MAPKBP1: variants seen among roughly 807,000 people sequenced by gnomAD.
MAPKBP1 encodes mitogen-activated protein kinase binding protein 1.
Under a neutral mutation model 170.5 loss-of-function variants are expected in MAPKBP1, and 71 were observed. The ratio of observed to expected loss-of-function variants is 0.42; its 90% CI spans 0.34 to 0.51. The LOEUF is 0.51. Ranked by LOEUF, MAPKBP1 falls within the 20% of genes least tolerant of loss-of-function variation. The pLI is 0.06. For missense variants in MAPKBP1, 1,598 were observed against 1,933.0 expected, an observed-to-expected ratio of 0.83 and a Z score of 3.25; for synonymous variants, 719 against 757.9, an observed-to-expected ratio of 0.95 and a Z score of 0.84.
chr15:41,822,115 G>A lies in MAPKBP1; in HGVS notation c.3031+5G>A. 2 of 1,602,308 alleles carry A rather than the reference G, an allele frequency of 1.2e-6. No homozygotes were observed. Among genetic ancestry groups the A allele is most frequent in the Non-Finnish European group, 8.5e-7 (1 of 1,174,270 alleles). ...GCCCGGAGCACCCCACTGAAGGTGAGGCTGTAGCCTGGAGGGAGGGGCCAT... is the reference window on the plus strand; with the variant it reads ...GCCCGGAGCACCCCACTGAAGGTGAAGCTGTAGCCTGGAGGGAGGGGCCAT... On this transcript the variant is annotated splice_donor_5th_base_variant and intron_variant, in intron 25 of 30. Coordinates refer to ENST00000457542, the MANE Select transcript of MAPKBP1 (RefSeq NM_014994.3).
In MAPKBP1 at chr15:41,817,051, A is replaced by G; in HGVS notation, c.1711+16A>G. 3 of 1,568,026 alleles carry G rather than the reference A, an allele frequency of 1.9e-6. No individual in the cohort carries two copies. The highest frequency in any genetic ancestry group is 1.7e-6 in the Non-Finnish European group (2 of 1,152,790). ...AAGTTTGCAGGTGCGGGCAGGGTGA[A>G]TGAGACACATCCTGCCACTCTCACC... On this transcript the variant is annotated intron_variant, in intron 14 of 30. Coordinates refer to ENST00000457542, the MANE Select transcript of MAPKBP1 (RefSeq NM_014994.3). This position sits in a 1 kb window ranked among gnomAD's most constrained non-coding sequence, Gnocchi z 4.2.
intron 12 of MAPKBP1, 28 bp downstream of exon 12, chr15:41,815,827 A>C (rs1435815803): frequency 1.3e-6 from 2 of 1,597,558 alleles, no homozygotes; most frequent in South Asian, 2.2e-5. Flanking sequence ...GTGGGTACTG[A>C]CTGCCTCTCA....
intron 2 of MAPKBP1, among the ~76,000 whole-genome samples, chr15:41,798,308 C>T (rs955421534): frequency 1.4e-5 from 2 of 147,524 alleles, no homozygotes; most frequent in South Asian, 2.2e-4. Context: ...TTTGAGATGG[C>T]GTCTCGCTGT....
rs1312923040 is a variant in MAPKBP1, at chr15:41,811,018, A to G, written c.269+73A>G. On this transcript the variant is annotated intron_variant, in intron 4 of 30. Transcript: ENST00000457542. ...GAGAAGGGCACTGTCTAGAGTCTCT[A>G]TGGCTCTGGGGGCTGGGACCTGGTT... The G allele has an allele frequency of 5.7e-6, 9 of 1,579,792 alleles. No homozygotes were observed. In the East Asian group the frequency reaches 1.6e-4, roughly 27 times the overall value.
chr15:41,779,232 A>G (rs889517171), intron 2 of MAPKBP1, among the ~76,000 whole-genome samples: 3 of 152,138 alleles, frequency 2.0e-5, no homozygotes, highest in African/African-American at 7.2e-5. Context: ...TTTTTTCGAG[A>G]CGGAGTCTTG....
intron 2 of MAPKBP1, among the ~76,000 whole-genome samples, chr15:41,794,288 T>C (rs2064447286): frequency 6.6e-6 from 1 of 152,170 alleles, no homozygotes; most frequent in African/African-American, 2.4e-5. Flanking sequence ...TCCCTCCACA[T>C]TGCCAGATCA....
intron 3 of MAPKBP1, among the ~76,000 whole-genome samples, chr15:41,805,647 T>C (rs191818617): frequency 1.3e-5 from 2 of 152,324 alleles, no homozygotes; most frequent in Non-Finnish European, 2.9e-5. Context: ...CCTCAGCCCA[T>C]GTTAAAATTG....
chr15:41,810,681 G>A, intron 3 of MAPKBP1: 1 of 557,506 alleles, frequency 1.8e-6, no homozygotes, highest in South Asian at 2.3e-5. Flanking sequence ...TTGCACCACT[G>A]CACTCTGGCT....
chr15:41,822,267 C>A lies in MAPKBP1; in HGVS notation c.3074C>A (p.Ser1025Ter), dbSNP rs910721118. The A allele has an allele frequency of 6.2e-7, 1 of 1,613,944 alleles. No individual in the cohort carries two copies. Among genetic ancestry groups the A allele is most frequent in the African/African-American group, 1.3e-5 (1 of 74,922 alleles). Residue 1025 changes from serine to a stop codon, truncating the protein, a stop_gained, in exon 26 of 31, where the codon TCA becomes TAA. Coordinates refer to ENST00000457542, the MANE Select transcript of MAPKBP1 (RefSeq NM_014994.3). LOFTEE classifies it high-confidence loss of function. ...TEPLSVDGIS[S>*]DLEEPAEGDE... ...CCCCTCAGTGTGGATGGCATCTCCT[C>A]AGACCTTGAAGAGCCAGCTGAGGGT...
intron 12 of MAPKBP1, 56 bp from the exon 13 acceptor site, chr15:41,816,503 T>C: frequency 8.2e-7 from 1 of 1,224,364 alleles, no homozygotes; most frequent in Admixed American, 1.7e-5. Context: ...GGAGGGGGCG[T>C]GAGTCCTTCC....
In MAPKBP1 at chr15:41,777,201, C is replaced by T. The variant is rs530769502; in HGVS notation, c.114+1812C>T. On this transcript the variant is annotated intron_variant, in intron 2 of 30. Coordinates refer to ENST00000457542, the MANE Select transcript of MAPKBP1 (RefSeq NM_014994.3). ...ACTAAAAATACAAAAATTAGCCGGGCGTGGTGGTGCATGTCTGTAATCCCA... is the reference window on the plus strand; with the variant it reads ...ACTAAAAATACAAAAATTAGCCGGGTGTGGTGGTGCATGTCTGTAATCCCA... 7.2e-5 allele frequency among the ~76,000 whole-genome samples: 11 copies of T among 152,076 alleles called. No individual in the cohort carries two copies. In the South Asian group the frequency reaches 1.5e-3, roughly 20 times the overall value.
chr15:41,775,255 C>T lies in MAPKBP1; in HGVS notation c.-21C>T, dbSNP rs200914973. ...GACCCAGGACTGGGCCGGGGACTGT[C>T]CCAAAGGGTTTCTCGTCATAATGGC... On this transcript the variant is annotated 5_prime_UTR_variant, in exon 2 of 31. Coordinates refer to ENST00000457542, the MANE Select transcript of MAPKBP1 (RefSeq NM_014994.3). The T allele has an allele frequency of 1.0e-5, 16 of 1,601,614 alleles. No individual in the cohort carries two copies. The highest frequency in any genetic ancestry group is 1.2e-5 in the Non-Finnish European group (14 of 1,168,652).
At position 41,823,872 on chromosome 15, in the gene MAPKBP1, G is replaced by T; in HGVS notation, c.4024G>T (p.Gly1342Trp). The T allele has an allele frequency of 6.2e-7, 1 of 1,614,182 alleles. No individual in the cohort carries two copies. Among genetic ancestry groups the T allele is most frequent in the East Asian group, 2.2e-5 (1 of 44,876 alleles). ...TACAACTGAGAGATGGGCCTGTTTG[G>T]GGGAGGGCACCACTCCCAAGCCTAG... ...HSTTERWACL[G>W]EGTTPKPRTE... The change falls in exon 29 of 31, where the codon GGG (glycine) becomes TGG (tryptophan). Residue 1342 changes from glycine (G) to tryptophan (W), a missense_variant. Physicochemically the swap from Gly to Trp is radical, Grantham distance 184. Transcript: ENST00000457542.
At chr15:41,819,212 C>T (rs767932915) in intron 20 of MAPKBP1, 34 bp from the exon 21 acceptor site, 1 of 1,609,090 alleles carries the variant, frequency 6.2e-7, no homozygotes, top group South Asian at 1.1e-5. Flanking sequence ...TATTGAGTCT[C>T]CTCTCCCCAT....
At position 41,813,633 on chromosome 15, in the gene MAPKBP1, C is replaced by T. The variant is rs1756884484; in HGVS notation, c.832C>T (p.His278Tyr). ...ACTCTGCCCACAGACCACAGTGGCC[C>T]ACTGCATCTCTGTGAGCCAAGACTA... ...KWVELRTTVA[H>Y]CISVSQDYIF... The change falls in exon 9 of 31, where the codon CAC becomes TAC. Residue 278 changes from histidine (H) to tyrosine (Y), a missense_variant. Around this residue, in one of 6 missense-constraint regions of MAPKBP1, gnomAD observed 430 missense variants for 617.2 expected, o/e 0.70. Transcript: ENST00000457542. 2 of 1,613,816 alleles carry T rather than the reference C, an allele frequency of 1.2e-6. No homozygotes were observed. The highest frequency in any genetic ancestry group is 8.5e-7 in the Non-Finnish European group (1 of 1,179,960).
chr15:41,806,503 T>A (rs550883653), intron 3 of MAPKBP1, among the ~76,000 whole-genome samples: 1 of 152,284 alleles, frequency 6.6e-6, no homozygotes, highest in Admixed American at 6.5e-5. Context: ...AATCCTGGGC[T>A]CTTTGTGGTA....
Position 41,812,602 on chromosome 15 carries a change from A to G in MAPKBP1, c.585A>G (p.Ala195=), listed in dbSNP as rs2064823454. 5.6e-6 allele frequency: 9 copies of G among 1,613,906 alleles called. No individual in the cohort carries two copies. The highest frequency in any genetic ancestry group is 7.6e-6 in the Non-Finnish European group (9 of 1,179,910). The change falls in exon 7 of 31, where the codon GCA becomes GCG. Residue 195 remains alanine, a synonymous_variant. Coordinates refer to ENST00000457542, the MANE Select transcript of MAPKBP1 (RefSeq NM_014994.3). ...AGGATTGCAGCTACTTTGTCACTGC[A>G]GGCAACCGACACATCAAATTCTGGT... The part of the protein sequence containing the change: ...FSEDCSYFVT[A]GNRHIKFWYL...
In MAPKBP1 at chr15:41,812,686, G is replaced by T. The variant is rs369587700; in HGVS notation, c.636+33G>T. ...GCTGAAGCTGGGAGTAGCCACCAAG[G>T]CCCCTGGCAGGGCCTGCCCAGCCCA... On this transcript the variant is annotated intron_variant, in intron 7 of 30. Coordinates refer to ENST00000457542, the MANE Select transcript of MAPKBP1 (RefSeq NM_014994.3). The T allele has an allele frequency of 6.1e-5, 95 of 1,561,250 alleles. No homozygotes were observed. In the African/African-American group the frequency reaches 1.1e-3, roughly 18 times the overall value.
chr15:41,791,099 C>T (rs1487486181), intron 2 of MAPKBP1, among the ~76,000 whole-genome samples: 2 of 152,094 alleles, frequency 1.3e-5, no homozygotes, highest in Non-Finnish European at 2.9e-5. Context: ...GGACAGGTCT[C>T]TGACATGCTT....
Sources: allele counts gnomAD v4.1 joint callset (sites outside exome capture counted in the v4.1 genomes callset), GRCh38; gene constraint gnomAD v4.1.1; regional missense constraint gnomAD v4.1.1; non-coding constraint Gnocchi (gnomAD v3.1); transcripts MANE v1.5; gene names NCBI Gene and HGNC (gene_info 2026-07-23, HGNC 2026-07-21).